The following KCNMA1 variants were observed in gnomAD, a reference collection of about 807,000 sequenced individuals.
KCNMA1 encodes the protein potassium calcium-activated channel subfamily M alpha 1.
A neutral mutation model predicts 140.0 loss-of-function variants in KCNMA1; 29 were observed. The observed-to-expected ratio is 0.21, with a 90% CI of 0.15 to 0.28. The LOEUF (loss-of-function observed/expected upper bound fraction) is 0.28, where lower values mean the gene tolerates loss of function less well. KCNMA1 is among the 10% of genes least tolerant of loss of function. The pLI is 1.00. For missense variants in KCNMA1, 880 were observed against 1,602.2 expected, an observed-to-expected ratio of 0.55 and a Z score of 7.70; for synonymous variants, 612 against 611.9, an observed-to-expected ratio of 1.00 and a Z score of 0.00.
intron 12 of KCNMA1, among the ~76,000 whole-genome samples, chr10:77,081,333 A>G (rs1258393596): frequency 2.0e-5 from 3 of 152,226 alleles, no homozygotes; most frequent in African/African-American, 7.2e-5. Flanking sequence ...CTTTGAAATC[A>G]TTAAAAGTTC....
chr10:76,929,226 T>C (rs571021737), intron 23 of KCNMA1, among the ~76,000 whole-genome samples: 29 of 152,310 alleles, frequency 1.9e-4, no homozygotes, highest in Non-Finnish European at 3.7e-4. Flanking sequence ...CTGTTAAAAG[T>C]AGTTTTATAG....
At chr10:77,126,834 G>A (rs1223057255) in intron 5 of KCNMA1, among the ~76,000 whole-genome samples, 1 of 151,380 alleles carries the variant, frequency 6.6e-6, no homozygotes, top group Non-Finnish European at 1.5e-5. Flanking sequence ...AGGCTTCCCA[G>A]GCAGCTGCAG....
chr10:77,465,924 A>G (rs2097994954), intron 1 of KCNMA1, among the ~76,000 whole-genome samples: 1 of 152,160 alleles, frequency 6.6e-6, no homozygotes, highest in Non-Finnish European at 1.5e-5. Context: ...GGAGACACCC[A>G]TGGGATGCTA....
At chr10:77,327,052 T>C (rs563715538) in intron 2 of KCNMA1, among the ~76,000 whole-genome samples, 12 of 152,198 alleles carry the variant, frequency 7.9e-5, no homozygotes, top group African/African-American at 2.4e-4. Flanking sequence ...AGTCCTCACT[T>C]CAACACACAA....
intron 1 of KCNMA1, among the ~76,000 whole-genome samples, chr10:77,552,926 G>C (rs1018604625): frequency 6.6e-6 from 1 of 152,194 alleles, no homozygotes; most frequent in African/African-American, 2.4e-5. Context: ...GTGCACACCT[G>C]TAGTCCCAGC....
intron 1 of KCNMA1, among the ~76,000 whole-genome samples, chr10:77,426,277 G>A (rs1249916652): frequency 6.6e-6 from 1 of 152,030 alleles, no homozygotes; most frequent in African/African-American, 2.4e-5. Flanking sequence ...CTTTCTATTG[G>A]GCACTCATAT....
chr10:76,972,398 C>T (rs1196309474), intron 19 of KCNMA1, among the ~76,000 whole-genome samples: 3 of 152,148 alleles, frequency 2.0e-5, no homozygotes, highest in Non-Finnish European at 4.4e-5. Flanking sequence ...GTCATCCTCC[C>T]TAGCATGCCT....
chr10:77,610,150 C>T (rs2086281555), intron 1 of KCNMA1, among the ~76,000 whole-genome samples: 1 of 152,244 alleles, frequency 6.6e-6, no homozygotes, highest in Non-Finnish European at 1.5e-5. Context: ...CCATCTCCTC[C>T]TCAAAAGAGG....
chr10:77,334,277 A>G (rs1020815827), intron 2 of KCNMA1, among the ~76,000 whole-genome samples: 1 of 152,172 alleles, frequency 6.6e-6, no homozygotes, highest in African/African-American at 2.4e-5. Flanking sequence ...GGGGGAGTTC[A>G]TTGTAAGACT....
chr10:77,334,514 A>T (rs2087990616), intron 2 of KCNMA1, among the ~76,000 whole-genome samples: 1 of 152,152 alleles, frequency 6.6e-6, no homozygotes, highest in Non-Finnish European at 1.5e-5. Flanking sequence ...CATTACCACA[A>T]TCATCACTAC....
At chr10:77,272,262 T>G (rs555902016) in intron 2 of KCNMA1, among the ~76,000 whole-genome samples, 1 of 152,334 alleles carries the variant, frequency 6.6e-6, no homozygotes, top group East Asian at 1.9e-4. Flanking sequence ...TGTGAGTACC[T>G]AGAACACAGT....
intron 19 of KCNMA1, among the ~76,000 whole-genome samples, chr10:76,981,124 G>C (rs370395555): frequency 6.6e-6 from 1 of 152,246 alleles, no homozygotes; most frequent in African/African-American, 2.4e-5. Context: ...CTCCACACCA[G>C]TCTGCCACAT....
chr10:77,600,321 G>C (rs944091055), intron 1 of KCNMA1, among the ~76,000 whole-genome samples: 1 of 152,226 alleles, frequency 6.6e-6, no homozygotes, highest in African/African-American at 2.4e-5. Flanking sequence ...TAATGGAGGA[G>C]GAGGAGGTGG....
At chr10:77,290,232 T>C (rs1159610006) in intron 2 of KCNMA1, among the ~76,000 whole-genome samples, 1 of 152,256 alleles carries the variant, frequency 6.6e-6, no homozygotes, top group East Asian at 1.9e-4. Flanking sequence ...TGACTTTTCT[T>C]CATATTTCTT....
At chr10:77,472,299 T>C (rs1567029982) in intron 1 of KCNMA1, among the ~76,000 whole-genome samples, 5 of 105,692 alleles carry the variant, frequency 4.7e-5, no homozygotes, top group Non-Finnish European at 1.0e-4. Flanking sequence ...CACACACACA[T>C]CACACACACA....
intron 3 of KCNMA1, among the ~76,000 whole-genome samples, chr10:77,205,201 C>T (rs978122296): frequency 4.6e-5 from 7 of 152,130 alleles, no homozygotes; most frequent in African/African-American, 1.7e-4. Context: ...GTGATTGAAG[C>T]CCCAGTTCGT....
chr10:77,012,251 G>T lies in KCNMA1; in HGVS notation c.2016-208C>A, dbSNP rs73288598. Reference sequence around the variant, plus strand: ...ACAGGATTCTGTGATTTGAGTTAGTGCTCCTTTTCATAAACTTCCATTTAC... The same window carrying T: ...ACAGGATTCTGTGATTTGAGTTAGTTCTCCTTTTCATAAACTTCCATTTAC... On this transcript the variant is annotated intron_variant, in intron 17 of 27. Transcript: ENST00000286628. 5.1e-3 allele frequency: 7,433 copies of T among 1,463,372 alleles called. 335 individuals carry two copies. In the African/African-American group the frequency reaches 0.093, roughly 18 times the overall value. The allele number at this position is 1,463,372 out of a possible 1,614,324, so 90.6% of individuals were successfully genotyped here.
At chr10:76,921,270 G>T (rs1359495776) in intron 23 of KCNMA1, among the ~76,000 whole-genome samples, 1 of 152,112 alleles carries the variant, frequency 6.6e-6, no homozygotes, top group Middle Eastern at 3.2e-3. Context: ...ATATGAAGTT[G>T]TAAAAGGGAA....
intron 1 of KCNMA1, among the ~76,000 whole-genome samples, chr10:77,509,294 T>A (rs2047477277): frequency 6.6e-6 from 1 of 152,120 alleles, no homozygotes; most frequent in South Asian, 2.1e-4. Context: ...AATTTTTGTC[T>A]TTTTAGTAGA....
Sources: allele counts gnomAD v4.1 joint callset (sites outside exome capture counted in the v4.1 genomes callset), GRCh38; gene constraint gnomAD v4.1.1; transcripts MANE v1.5; gene names NCBI Gene and HGNC (gene_info 2026-07-23, HGNC 2026-07-21).